KCNH6: variants seen among roughly 807,000 people sequenced by gnomAD.
KCNH6 encodes voltage-gated inwardly rectifying potassium channel KCNH6.
KCNH6 carries 81 observed loss-of-function variants against 83.4 expected under a neutral mutation model. The observed-to-expected ratio is 0.97, with a 90% confidence interval of 0.81 to 1.17. KCNH6 has a LOEUF of 1.17. Among genes scored for constraint, KCNH6 ranks in the 50% most tolerant of loss-of-function variants. KCNH6 has a pLI of 0.00. For missense variants in KCNH6, 1,203 were observed against 1,290.5 expected (o/e 0.93, Z 1.04); for synonymous variants, 503 against 545.6 (o/e 0.92, Z 1.09).
Position 63,538,080 on chromosome 17 carries a change from G to C in KCNH6, c.1517G>C (p.Ser506Thr). 6.2e-7 allele frequency: 1 copy of C among 1,613,576 alleles called. No individual in the cohort carries two copies. The highest frequency in any genetic ancestry group is 8.5e-7 in the Non-Finnish European group (1 of 1,179,976). Residue 506 changes from serine (S) to threonine (T), a missense_variant, in exon 7 of 13, where the codon AGC (serine) becomes ACC (threonine). By Grantham distance (58) the Ser-to-Thr change is moderately conservative. Coordinates refer to ENST00000314672, the MANE Select transcript of KCNH6 (RefSeq NM_001278919.2). This position sits in a 1 kb window ranked among gnomAD's most constrained non-coding sequence, Gnocchi z 4.0. ...VMLIGSLMYASIFGNVSAIIQ... is the reference protein window; with the variant it reads ...VMLIGSLMYATIFGNVSAIIQ... The stretch of plus-strand genomic sequence containing the variant: ...CCGCCCCCAGCCCTGATGTACGCCA[G>C]CATCTTCGGGAACGTGTCCGCGATC...
chr17:63,523,904 C>T lies in KCNH6; in HGVS notation c.77-235C>T, dbSNP rs1485399388. On this transcript the variant is annotated intron_variant, in intron 1 of 12. Coordinates refer to ENST00000314672, the MANE Select transcript of KCNH6 (RefSeq NM_001278919.2). The surrounding 1 kb of genome is among the most constrained non-coding windows in gnomAD (Gnocchi z 4.2). ...CCCCATCTGGTCACATCCCTGCCTC[C>T]CTTCCCCACACTTTTCCTGTTTCCA... is the stretch of plus-strand genomic sequence containing the variant. 2.6e-5 allele frequency among the ~76,000 whole-genome samples: 4 copies of T among 152,182 alleles called. No homozygotes were observed. Among genetic ancestry groups the T allele is most frequent in the African/African-American group, 9.7e-5 (4 of 41,434 alleles).
rs2032296911 is a variant in KCNH6 at position 63,533,973 on chromosome 17, T to C, written c.763T>C (p.Phe255Leu). Residue 255 changes from phenylalanine (F) to leucine (L), a missense_variant, in exon 5 of 13, where the codon TTC becomes CTC. Transcript: ENST00000314672. The surrounding 1 kb of genome is among the most constrained non-coding windows in gnomAD (Gnocchi z 4.1). Reference sequence around the variant, plus strand: ...CTGGACCATCCTGCACTACAGCCCCTTCAAGGCCGTGTGGGACTGGCTCAT... The same window carrying C: ...CTGGACCATCCTGCACTACAGCCCCCTCAAGGCCGTGTGGGACTGGCTCAT... The part of the protein sequence containing the change: ...HRWTILHYSP[F>L]KAVWDWLILL... 6.2e-7 allele frequency: 1 copy of C among 1,614,016 alleles called. No homozygotes were observed. Among genetic ancestry groups the C allele is most frequent in the Admixed American group, 1.7e-5 (1 of 60,004 alleles).
At chr17:63,541,486 C>T (rs2032858962) in intron 8 of KCNH6, among the ~76,000 whole-genome samples, 2 of 148,716 alleles carry the variant, frequency 1.3e-5, no homozygotes, top group African/African-American at 5.2e-5. Context: ...AGTAGAGATG[C>T]GGTTTCACCG....
At position 63,533,820 on chromosome 17, in the gene KCNH6, C is replaced by T; in HGVS notation, c.676-66C>T. 3 of 1,490,862 alleles carry T rather than the reference C, an allele frequency of 2.0e-6. No individual in the cohort carries two copies. The highest frequency in any genetic ancestry group is 9.1e-7 in the Non-Finnish European group (1 of 1,094,836). The allele number at this position is 1,490,862 out of a possible 1,614,324, so 92.4% of individuals were successfully genotyped here. On this transcript the variant is annotated intron_variant, in intron 4 of 12. Transcript: ENST00000314672. This position sits in a 1 kb window ranked among gnomAD's most constrained non-coding sequence, Gnocchi z 4.1. Reference sequence around the variant, plus strand: ...CCACTACACCTTCCCCAGGCCTCAGCCCTCTAGGCCAGTCTCACCAGCAGT... The same window carrying T: ...CCACTACACCTTCCCCAGGCCTCAGTCCTCTAGGCCAGTCTCACCAGCAGT...
rs748647368 is a variant in KCNH6, at chr17:63,543,984, C to A, written c.2234-265C>A. Reference sequence around the variant, plus strand: ...GGCTGCAGCTCCCTGGGCAGTGAAACCAGTGCTAAAAGTCCTCACCCTGCC... The same window carrying A: ...GGCTGCAGCTCCCTGGGCAGTGAAAACAGTGCTAAAAGTCCTCACCCTGCC... On this transcript the variant is annotated intron_variant, in intron 10 of 12. Transcript: ENST00000314672. 3.1e-6 allele frequency: 4 copies of A among 1,277,086 alleles called. No homozygotes were observed. The South Asian group carries it at 5.9e-5, about 19-fold the overall frequency. The allele number at this position is 1,277,086 out of a possible 1,614,324, so 79.1% of individuals were successfully genotyped here.
intron 12 of KCNH6, 104 bp downstream of exon 12, chr17:63,545,368 C>A (rs2033095639): frequency 8.0e-7 from 1 of 1,242,912 alleles, no homozygotes; most frequent in Non-Finnish European, 1.1e-6. Flanking sequence ...CCTCTGTGGC[C>A]CCAGAGCAGC....
intron 4 of KCNH6, among the ~76,000 whole-genome samples, chr17:63,532,027 C>T (rs1380768671): frequency 2.6e-5 from 4 of 152,224 alleles, no homozygotes; most frequent in African/African-American, 4.8e-5. Flanking sequence ...GGAGCCTGGG[C>T]ATCCTGAGGG....
chr17:63,528,351 G>A (rs1239415952), intron 2 of KCNH6, among the ~76,000 whole-genome samples: 1 of 152,116 alleles, frequency 6.6e-6, no homozygotes, highest in Admixed American at 6.6e-5. Context: ...GTCTCCCCTG[G>A]GCCCAGGCAG....
At chr17:63,527,034 A>G (rs2031762420) in intron 2 of KCNH6, among the ~76,000 whole-genome samples, 1 of 151,944 alleles carries the variant, frequency 6.6e-6, no homozygotes, top group East Asian at 1.9e-4. Context: ...AGATCCCCCC[A>G]CTGTCACCCA....
rs78190581 is a variant in KCNH6, at chr17:63,536,186, T to C, written c.1501+118T>C. 1.5e-3 allele frequency: 1,349 copies of C among 899,886 alleles called. 11 individuals carry two copies. In the African/African-American group the frequency reaches 0.017, roughly 11 times the overall value. 55.7% of individuals were successfully genotyped at this position (899,886 alleles called of 1,614,324 possible). A position where few individuals can be genotyped will look rare whatever the true frequency, so the allele number is the denominator to read the frequency against. On this transcript the variant is annotated intron_variant, in intron 6 of 12. Transcript: ENST00000314672. The stretch of plus-strand genomic sequence containing the variant: ...CATAGCAACAATTCATGCAGTACAC[T>C]GATCCTAAGTGTGCAGCACAATGAA...
At chr17:63,524,653 A>G (rs1056028093) in intron 2 of KCNH6, among the ~76,000 whole-genome samples, 3 of 152,014 alleles carry the variant, frequency 2.0e-5, no homozygotes, top group Admixed American at 1.3e-4. Flanking sequence ...GCTCTCCACT[A>G]TCTTACTGTC....
Position 63,530,459 on chromosome 17 carries a change from T to C in KCNH6, c.592T>C (p.Ser198Pro), listed in dbSNP as rs1199946486. Residue 198 changes from serine (S) to proline (P), a missense_variant, in exon 4 of 13, where the codon TCC (serine) becomes CCC (proline). By Grantham distance (74) the Ser-to-Pro change is moderately conservative. Coordinates refer to ENST00000314672, the MANE Select transcript of KCNH6 (RefSeq NM_001278919.2). ...GGAGTTCAACTTGGAGAAGCACCGCTCCAGCTCCACCACGGAGATTGAGAT... is the reference window on the plus strand; with the variant it reads ...GGAGTTCAACTTGGAGAAGCACCGCCCCAGCTCCACCACGGAGATTGAGAT... ...FVEFNLEKHR[S>P]SSTTEIEIIA... 1 of 1,614,170 alleles carries C rather than the reference T, an allele frequency of 6.2e-7. No individual in the cohort carries two copies. Among genetic ancestry groups the C allele is most frequent in the East Asian group, 2.2e-5 (1 of 44,884 alleles).
At chr17:63,545,399 TTTA>T in intron 12 of KCNH6, 135 bp downstream of exon 12, 1 of 1,024,982 alleles carries the variant, frequency 9.8e-7, no homozygotes, top group Non-Finnish European at 1.4e-6. Context: ...GCTTACCTCC[TTTA>T]TGATCAGAGT....
Position 63,538,552 on chromosome 17 carries a change from C to T in KCNH6, c.1844C>T (p.Ala615Val), listed in dbSNP as rs1231151880. The T allele has an allele frequency of 1.2e-6, 2 of 1,611,692 alleles. No individual in the cohort carries two copies. Among genetic ancestry groups the T allele is most frequent in the Non-Finnish European group, 1.7e-6 (2 of 1,179,138 alleles). Residue 615 changes from alanine to valine, a missense_variant, in exon 8 of 13, where the codon GCG (alanine) becomes GTG (valine). By Grantham distance (64) the Ala-to-Val change is moderately conservative. Coordinates refer to ENST00000314672, the MANE Select transcript of KCNH6 (RefSeq NM_001278919.2). The surrounding 1 kb of genome is among the most constrained non-coding windows in gnomAD (Gnocchi z 4.0). ...ALAVKFKTTH[A>V]PPGDTLVHLG... Reference sequence around the variant, plus strand: ...GCCGTCAAGTTCAAGACCACCCACGCGCCGCCTGGGGACACGCTGGTGCAC... The same window carrying T: ...GCCGTCAAGTTCAAGACCACCCACGTGCCGCCTGGGGACACGCTGGTGCAC...
chr17:63,535,786 A>C lies in KCNH6; in HGVS notation c.1219A>C (p.Thr407Pro). ...GAAVLFLLMC[T>P]FALIAHWLAC... ...GGCTGTGCTCTTCTTGCTCATGTGC[A>C]CCTTCGCGCTCATAGCGCACTGGCT... The change falls in exon 6 of 13, where the codon ACC becomes CCC. Residue 407 changes from threonine to proline, a missense_variant. Coordinates refer to ENST00000314672, the MANE Select transcript of KCNH6 (RefSeq NM_001278919.2). The surrounding 1 kb of genome is among the most constrained non-coding windows in gnomAD (Gnocchi z 4.9). 1 of 1,614,190 alleles carries C rather than the reference A, an allele frequency of 6.2e-7. No individual in the cohort carries two copies. Among genetic ancestry groups the C allele is most frequent in the Admixed American group, 1.7e-5 (1 of 60,028 alleles).
chr17:63,529,875 A>C (rs79701979), intron 2 of KCNH6, among the ~76,000 whole-genome samples: 2,505 of 152,220 alleles, frequency 0.016, 58 homozygotes, highest in African/African-American at 0.057. Context: ...ATCTCCTAAT[A>C]AGCAGCTTAA....
At chr17:63,544,461 T>G in intron 11 of KCNH6, 50 bp downstream of exon 11, 1 of 1,433,620 alleles carries the variant, frequency 7.0e-7, no homozygotes, top group Non-Finnish European at 9.2e-7. Flanking sequence ...TAGCCCCTCC[T>G]AGTGGCTCAG....
At chr17:63,526,563 G>A (rs1335193526) in intron 2 of KCNH6, among the ~76,000 whole-genome samples, 1 of 151,856 alleles carries the variant, frequency 6.6e-6, no homozygotes, top group South Asian at 2.1e-4. Context: ...TCACTATGTT[G>A]CCCAGGCTGG....
chr17:63,532,116 A>C (rs961782445), intron 4 of KCNH6, among the ~76,000 whole-genome samples: 5 of 151,762 alleles, frequency 3.3e-5, no homozygotes, highest in African/African-American at 1.2e-4. Flanking sequence ...GCAGTGGGAG[A>C]TTTTGGGGGT....
Sources: gnomAD v4.1 joint callset for allele counts (sites outside exome capture counted in the v4.1 genomes callset) on GRCh38, gnomAD v4.1.1 for gene constraint, Gnocchi (gnomAD v3.1) non-coding constraint, MANE v1.5 for transcripts, NCBI Gene and HGNC (gene_info 2026-07-23, HGNC 2026-07-21) for gene names.